The following HDX variants were observed in gnomAD, a reference collection of about 807,000 sequenced individuals.
HDX encodes the protein chromosome X open reading frame 43.
Under a neutral mutation model 45.2 loss-of-function variants are expected in HDX, and 19 were observed. That is an observed-to-expected ratio of 0.42 (90% CI 0.29 to 0.62). HDX has a LOEUF of 0.62. HDX is among the 20% of genes least tolerant of loss of function. The pLI is 0.20. For missense variants in HDX, 532 were observed against 493.9 expected, an observed-to-expected ratio of 1.08 and a Z score of -0.73; for synonymous variants, 188 against 172.8, an observed-to-expected ratio of 1.09 and a Z score of -0.69.
chrX:84,475,613 A>G (rs1332849130), intron 2 of HDX, among the ~76,000 whole-genome samples: 1 of 112,347 alleles, frequency 8.9e-6, no homozygotes, highest in Non-Finnish European at 1.9e-5. Context: ...ATTTGTTCAG[A>G]TAATGTACCA....
At chrX:84,348,569 A>G (rs1354829777) in intron 6 of HDX, among the ~76,000 whole-genome samples, 1 of 111,436 alleles carries the variant, frequency 9.0e-6, no homozygotes, top group Non-Finnish European at 1.9e-5. Context: ...CATTTTTATT[A>G]AAAGTTGAAC....
intron 5 of HDX, among the ~76,000 whole-genome samples, chrX:84,401,977 A>C (rs2038717299): frequency 8.9e-6 from 1 of 111,841 alleles, no homozygotes. Context: ...GTCACTCCTA[A>C]GTGAGAGTTG....
rs1274408503 is a variant in HDX at position 84,319,325 on chromosome X, C to T, written c.*2564G>A. 1 of 110,724 alleles carries T rather than the reference C, an allele frequency of 9.0e-6. No individual in the cohort carries two copies. Among genetic ancestry groups the T allele is most frequent in the Non-Finnish European group, 1.9e-5 (1 of 52,374 alleles). The allele number at this position is 110,724 out of a possible 1,213,427, so 9.1% of individuals were successfully genotyped here. A position where few individuals can be genotyped will look rare whatever the true frequency, so the allele number is the denominator to read the frequency against. ...TTATAAGCTGATAATTTTTCCTGCTCTAACATATCTCAAAACCAACTCCTA... is the reference window on the plus strand; with the variant it reads ...TTATAAGCTGATAATTTTTCCTGCTTTAACATATCTCAAAACCAACTCCTA... On this transcript the variant is annotated 3_prime_UTR_variant, in exon 11 of 11. Coordinates refer to ENST00000373177, the MANE Select transcript of HDX (RefSeq NM_001177479.2).
chrX:84,482,157 G>A (rs1040045821), intron 2 of HDX, among the ~76,000 whole-genome samples: 4 of 111,236 alleles, frequency 3.6e-5, no homozygotes, highest in African/African-American at 9.8e-5. Flanking sequence ...TTGTTATTAC[G>A]AATAGAGCTG....
intron 4 of HDX, among the ~76,000 whole-genome samples, chrX:84,443,816 G>A (rs779247394): frequency 9.0e-6 from 1 of 111,674 alleles, no homozygotes; most frequent in Non-Finnish European, 1.9e-5. Context: ...TGACAAAATC[G>A]AACATTACTG....
At chrX:84,449,842 C>A (rs372610586) in intron 4 of HDX, among the ~76,000 whole-genome samples, 1 of 110,797 alleles carries the variant, frequency 9.0e-6, no homozygotes, top group Non-Finnish European at 1.9e-5. Context: ...CAATCCTCAG[C>A]AAACTATCAC....
At chrX:84,341,834 G>A (rs1217728222) in intron 7 of HDX, among the ~76,000 whole-genome samples, 1 of 109,147 alleles carries the variant, frequency 9.2e-6, no homozygotes, top group Non-Finnish European at 1.9e-5. Context: ...AACTTCAAGG[G>A]ATCCTTTTCG....
At chrX:84,349,756 C>A (rs944493241) in intron 6 of HDX, among the ~76,000 whole-genome samples, 11 of 106,730 alleles carry the variant, frequency 1.0e-4, no homozygotes, top group African/African-American at 3.8e-4. Context: ...AAAATCATGT[C>A]TTTTGTAGTA....
chrX:84,408,319 T>G (rs1873195781), intron 5 of HDX, among the ~76,000 whole-genome samples: 1 of 110,642 alleles, frequency 9.0e-6, no homozygotes. Context: ...CATTGCTTGT[T>G]TTTGTTGACT....
At chrX:84,343,244 A>G (rs1210065933) in intron 7 of HDX, among the ~76,000 whole-genome samples, 2 of 110,421 alleles carry the variant, frequency 1.8e-5, no homozygotes, top group Admixed American at 9.7e-5. Context: ...ATTGAATTCT[A>G]TATTTAAAAT....
chrX:84,440,500 C>G, intron 5 of HDX, 32 bp downstream of exon 5: 1 of 1,032,655 alleles, frequency 9.7e-7, no homozygotes, highest in Non-Finnish European at 1.4e-6. Context: ...AAGGGGAAAC[C>G]CATTTGCTGC....
intron 5 of HDX, among the ~76,000 whole-genome samples, chrX:84,399,596 C>A (rs975708843): frequency 9.0e-6 from 1 of 110,998 alleles, no homozygotes; most frequent in Non-Finnish European, 1.9e-5. Flanking sequence ...AAAAAAAGCC[C>A]AAGAGCAGAC....
At chrX:84,375,459 G>T (rs199634713) in intron 5 of HDX, among the ~76,000 whole-genome samples, 1 of 111,675 alleles carries the variant, frequency 9.0e-6, no homozygotes, top group African/African-American at 3.3e-5. Context: ...TGTTTATTGC[G>T]GCATTATTCA....
At chrX:84,372,359 C>T (rs937532686) in intron 5 of HDX, among the ~76,000 whole-genome samples, 7 of 111,686 alleles carry the variant, frequency 6.3e-5, no homozygotes, top group African/African-American at 2.3e-4. Flanking sequence ...ATTAAAATAA[C>T]TTTTTGCATA....
intron 2 of HDX, among the ~76,000 whole-genome samples, chrX:84,478,705 TTTAA>T (rs10553416): frequency 0.045 from 4,921 of 110,441 alleles, 289 homozygotes; most frequent in African/African-American, 0.15. Context: ...TTTTTTTAAT[TTTAA>T]TTAGTGGGGC....
At position 84,318,405 on chromosome X, in the gene HDX, A is replaced by C; in HGVS notation, c.*3484T>G. 9.0e-6 allele frequency: 1 copy of C among 111,227 alleles called. No homozygotes were observed. The highest frequency in any genetic ancestry group is 1.9e-5 in the Non-Finnish European group (1 of 52,607). 9.2% of individuals were successfully genotyped at this position (111,227 alleles called of 1,213,427 possible). A position where few individuals can be genotyped will look rare whatever the true frequency, so the allele number is the denominator to read the frequency against. On this transcript the variant is annotated 3_prime_UTR_variant, in exon 11 of 11. Transcript: ENST00000373177. ...ATGTTTAAGATCTGAATGAAAATCT[A>C]ATATATTAAAAAAGTAGACAATATT...
At chrX:84,341,752 C>A (rs2037091188) in intron 7 of HDX, among the ~76,000 whole-genome samples, 1 of 106,168 alleles carries the variant, frequency 9.4e-6, no homozygotes, top group South Asian at 4.3e-4. Flanking sequence ...ACAGAAGTCA[C>A]TACGTTGCTG....
At chrX:84,484,980 T>C (rs867869072) in intron 2 of HDX, among the ~76,000 whole-genome samples, 3 of 110,677 alleles carry the variant, frequency 2.7e-5, no homozygotes, top group Non-Finnish European at 5.7e-5. Flanking sequence ...ATAAAGTATA[T>C]ATTGTCATTC....
intron 5 of HDX, among the ~76,000 whole-genome samples, chrX:84,378,941 A>T (rs1399284774): frequency 9.0e-6 from 1 of 110,857 alleles, no homozygotes. Flanking sequence ...ACACATATAG[A>T]CTGAAAATAA....
Sources: gnomAD v4.1 joint callset for allele counts (sites outside exome capture counted in the v4.1 genomes callset) on GRCh38, gnomAD v4.1.1 for gene constraint, MANE v1.5 for transcripts, NCBI Gene and HGNC (gene_info 2026-07-23, HGNC 2026-07-21) for gene names.